The following JAG2 variants were observed in gnomAD, a reference collection of about 807,000 sequenced individuals.
JAG2 encodes the protein jagged canonical Notch ligand 2, also known as protein jagged-2.
A neutral mutation model predicts 141.7 loss-of-function variants in JAG2; 46 were observed. That is an observed-to-expected ratio of 0.32 (90% CI 0.26 to 0.42). The LOEUF is 0.42. JAG2 is among the 10% of genes least tolerant of loss of function. The pLI is 1.00. For missense variants in JAG2, 1,500 were observed against 1,817.5 expected (o/e 0.83, Z 3.18); for synonymous variants, 862 against 763.5 (o/e 1.13, Z -2.13).
At position 105,154,138 on chromosome 14, in the gene JAG2, C is replaced by G. The variant is rs914668535; in HGVS notation, c.788+1424G>C. ...CCTGTGGAAGGGTCACCCACCTCCC[C>G]ACCTTGGCTCCCAACTCAGCTGGTT... On this transcript the variant is annotated intron_variant, in intron 5 of 25. Coordinates refer to ENST00000331782, the MANE Select transcript of JAG2 (RefSeq NM_002226.5). This position sits in a 1 kb window ranked among gnomAD's most constrained non-coding sequence, Gnocchi z 4.4. Among the ~76,000 whole-genome samples the G allele has an allele frequency of 2.0e-5, 3 of 152,192 alleles. No homozygotes were observed. Among genetic ancestry groups the G allele is most frequent in the Non-Finnish European group, 4.4e-5 (3 of 68,020 alleles).
chr14:105,167,991 G>GC lies in JAG2; in HGVS notation c.182dup (p.Cys62LeufsTer15). On this transcript the variant is annotated frameshift_variant, in exon 2 of 26. Transcript: ENST00000331782. LOFTEE classifies it high-confidence loss of function. The surrounding 1 kb of genome is among the most constrained non-coding windows in gnomAD (Gnocchi z 4.8). ...ACGTGTCGCACTCGTCGTGGCCGCA[G>GC]CCCCCCGCGCGCGTTGTCCGGCCGT... 1 of 1,601,814 alleles carries GC rather than the reference G, an allele frequency of 6.2e-7. No homozygotes were observed. Among genetic ancestry groups the GC allele is most frequent in the Non-Finnish European group, 8.5e-7 (1 of 1,177,492 alleles).
chr14:105,146,837 TGAG>T, intron 20 of JAG2, 113 bp from the exon 21 acceptor site: 2 of 866,962 alleles, frequency 2.3e-6, no homozygotes, highest in Non-Finnish European at 3.8e-6. Flanking sequence ...CCCAGGACAA[TGAG>T]GAGCAGCCCC....
chr14:105,166,651 G>A (rs939833491), intron 2 of JAG2, among the ~76,000 whole-genome samples: 5 of 152,226 alleles, frequency 3.3e-5, no homozygotes, highest in Non-Finnish European at 7.4e-5. Context: ...GGGCTGCAAA[G>A]GTACAGCACA....
intron 2 of JAG2, among the ~76,000 whole-genome samples, chr14:105,165,136 C>T (rs977711466): frequency 3.3e-5 from 5 of 151,818 alleles, no homozygotes; most frequent in East Asian, 1.9e-4. Context: ...CAGGCAGGCA[C>T]GACTTCCAGC....
At position 105,146,055 on chromosome 14, in the gene JAG2, G is replaced by A. The variant is rs1888213672; in HGVS notation, c.2710-82C>T. 2.6e-6 allele frequency: 4 copies of A among 1,541,646 alleles called. No homozygotes were observed. The Admixed American group carries it at 7.7e-5, about 30-fold the overall frequency. ...GCACACAGATGAGAACCCACAGGCA[G>A]GCACGGGCCCCATGCCAAGGAGGGA... On this transcript the variant is annotated intron_variant, in intron 22 of 25. Coordinates refer to ENST00000331782, the MANE Select transcript of JAG2 (RefSeq NM_002226.5).
In JAG2 at chr14:105,167,942, A is replaced by T; in HGVS notation, c.232T>A (p.Tyr78Asn). The T allele has an allele frequency of 6.2e-7, 1 of 1,601,344 alleles. No homozygotes were observed. Among genetic ancestry groups the T allele is most frequent in the Non-Finnish European group, 8.5e-7 (1 of 1,176,772 alleles). ...CCCGTGGGCGTCACCTTGGCCTGGTACTCCTTAAGGCACACGCGCACGTAC... is the reference window on the plus strand; with the variant it reads ...CCCGTGGGCGTCACCTTGGCCTGGTTCTCCTTAAGGCACACGCGCACGTAC... The part of the protein sequence containing the change: ...DTYVRVCLKE[Y>N]QAKVTPTGPC... Residue 78 changes from tyrosine (Y) to asparagine (N), a missense_variant, in exon 2 of 26, where the codon TAC becomes AAC. This residue lies in a region of JAG2 where 200 missense variants were observed against 174.3 expected (regional missense o/e 1.15). Coordinates refer to ENST00000331782, the MANE Select transcript of JAG2 (RefSeq NM_002226.5). The surrounding 1 kb of genome is among the most constrained non-coding windows in gnomAD (Gnocchi z 4.8).
Position 105,147,485 on chromosome 14 carries a change from C to T in JAG2, c.2393+15G>A. ...TCCCACCCACCCCTGCTGTGGCCCC[C>T]AGGGTGCCACTCACCAAGGCAGAGG... On this transcript the variant is annotated intron_variant, in intron 19 of 25. Transcript: ENST00000331782. 1 of 1,611,568 alleles carries T rather than the reference C, an allele frequency of 6.2e-7. No individual in the cohort carries two copies. Among genetic ancestry groups the T allele is most frequent in the African/African-American group, 1.3e-5 (1 of 74,992 alleles).
rs587763712 is a variant in JAG2 at position 105,150,976 on chromosome 14, AC to A, written c.1381+14del. 6 of 1,608,204 alleles carry A rather than the reference AC, an allele frequency of 3.7e-6. No homozygotes were observed. The African/African-American group carries it at 5.4e-5, about 14-fold the overall frequency. On this transcript the variant is annotated intron_variant, in intron 10 of 25. Transcript: ENST00000331782. ...TGCCTCGGCCCACCCGCCGGCGCCC[AC>A]CCCCCATACTGACTGATATGGCAGT...
At chr14:105,160,458 T>C (rs1320820996) in intron 2 of JAG2, among the ~76,000 whole-genome samples, 1 of 151,240 alleles carries the variant, frequency 6.6e-6, no homozygotes, top group East Asian at 2.0e-4. Flanking sequence ...CGTTCCTTCC[T>C]TCCTTCGTTC....
intron 2 of JAG2, among the ~76,000 whole-genome samples, chr14:105,166,128 G>A (rs1415069952): frequency 6.6e-6 from 1 of 152,252 alleles, no homozygotes; most frequent in Non-Finnish European, 1.5e-5. Context: ...GGAAGCAAGA[G>A]GCAGGGAGGT....
Position 105,143,630 on chromosome 14 carries a change from G to C in JAG2, c.3093C>G (p.Ser1031Arg). The C allele has an allele frequency of 6.2e-7, 1 of 1,607,454 alleles. No individual in the cohort carries two copies. The highest frequency in any genetic ancestry group is 8.5e-7 in the Non-Finnish European group (1 of 1,179,728). ...TGCTGTCAGGCAGGTCCCTGGCAGGGCTGAAGGACTGCGGCAAAGAACGGC... is the reference window on the plus strand; with the variant it reads ...TGCTGTCAGGCAGGTCCCTGGCAGGCCTGAAGGACTGCGGCAAAGAACGGC... ...ASAVEVAVSF[S>R]PARDLPDSSL... Residue 1031 changes from serine to arginine, a missense_variant, in exon 25 of 26, where the codon AGC becomes AGG. Physicochemically the swap from Ser to Arg is moderately radical, Grantham distance 110. Coordinates refer to ENST00000331782, the MANE Select transcript of JAG2 (RefSeq NM_002226.5).
At position 105,148,994 on chromosome 14, in the gene JAG2, C is replaced by T; in HGVS notation, c.1849G>A (p.Gly617Arg). The T allele has an allele frequency of 6.2e-7, 1 of 1,607,318 alleles. No homozygotes were observed. Among genetic ancestry groups the T allele is most frequent in the Non-Finnish European group, 8.5e-7 (1 of 1,177,644 alleles). ...GPHGRCVSQP[G>R]GNFSCICDSG... ...TCACAGATGCAGGAAAAGTTGCCCC[C>T]TGGCTGGCTGACGCAGCGTCCATGG... Residue 617 changes from glycine (G) to arginine (R), a missense_variant, in exon 14 of 26, where the codon GGG becomes AGG. By Grantham distance (125) the Gly-to-Arg change is moderately radical. This residue lies in a region of JAG2 where 875 missense variants were observed against 1,202.2 expected (regional missense o/e 0.73). Coordinates refer to ENST00000331782, the MANE Select transcript of JAG2 (RefSeq NM_002226.5).
At position 105,154,496 on chromosome 14, in the gene JAG2, G is replaced by T. The variant is rs1888523837; in HGVS notation, c.788+1066C>A. ...GCTCCACTCTAGGGCAAAGCTGCCA[G>T]CCCCCCTGGCTGGATCCCCCACACT... is the stretch of plus-strand genomic sequence containing the variant. On this transcript the variant is annotated intron_variant, in intron 5 of 25. Coordinates refer to ENST00000331782, the MANE Select transcript of JAG2 (RefSeq NM_002226.5). This position sits in a 1 kb window ranked among gnomAD's most constrained non-coding sequence, Gnocchi z 4.4. 6.6e-6 allele frequency among the ~76,000 whole-genome samples: 1 copy of T among 152,130 alleles called. No individual in the cohort carries two copies. The highest frequency in any genetic ancestry group is 1.5e-5 in the Non-Finnish European group (1 of 68,006).
At chr14:105,145,165 G>A (rs982343526) in intron 23 of JAG2, 104 bp from the exon 24 acceptor site, 20 of 1,468,490 alleles carry the variant, frequency 1.4e-5, no homozygotes, top group East Asian at 1.2e-4. Flanking sequence ...CCTACAGCCC[G>A]CCCAGGAGAG....
rs117280602 is a variant in JAG2, at chr14:105,142,394, C to T, written c.*301G>A. The T allele has an allele frequency of 2.9e-5, 11 of 373,578 alleles. No individual in the cohort carries two copies. The highest frequency in any genetic ancestry group is 4.4e-5 in the Non-Finnish European group (9 of 204,588). The allele number at this position is 373,578 out of a possible 1,614,324, so 23.1% of individuals were successfully genotyped here. ...ACAGTGCACAACCTCTGGTAACAAA[C>T]GCTACGATTTGGTGACGACGCAGAC... On this transcript the variant is annotated 3_prime_UTR_variant, in exon 26 of 26. Transcript: ENST00000331782.
chr14:105,167,207 T>C lies in JAG2; in HGVS notation c.417+550A>G, dbSNP rs4983589. Among the ~76,000 whole-genome samples the C allele has an allele frequency of 0.69, 104,790 of 152,178 alleles. 36,631 individuals carry two copies. Among genetic ancestry groups the C allele is most frequent in the African/African-American group, 0.81 (33,741 of 41,550 alleles). ...ACTGCACCAGGATCCACTATCTCTG[T>C]CTCTGAACGATCTTGGGTCACCATC... On this transcript the variant is annotated intron_variant, in intron 2 of 25. Transcript: ENST00000331782. This position sits in a 1 kb window ranked among gnomAD's most constrained non-coding sequence, Gnocchi z 4.8.
rs1392028875 is a variant in JAG2, at chr14:105,145,844, C to T, written c.2839G>A (p.Gly947Arg). Reference sequence around the variant, plus strand: ...GGTGGCTCTTCTGCGCCGCACTCCCCCCAGGCCTCACAGGGTGGTCGCAGA... The same window carrying T: ...GGTGGCTCTTCTGCGCCGCACTCCCTCCAGGCCTCACAGGGTGGTCGCAGA... ...QCLRPPCEAWGECGAEEPPST... is the reference protein window; with the variant it reads ...QCLRPPCEAWRECGAEEPPST... The change falls in exon 23 of 26, where the codon GGG (glycine) becomes AGG (arginine). Residue 947 changes from glycine to arginine, a missense_variant. Around this residue, in one of 3 missense-constraint regions of JAG2, gnomAD observed 425 missense variants for 441.0 expected, o/e 0.96. Coordinates refer to ENST00000331782, the MANE Select transcript of JAG2 (RefSeq NM_002226.5). 2 of 1,562,196 alleles carry T rather than the reference C, an allele frequency of 1.3e-6. No individual in the cohort carries two copies. The highest frequency in any genetic ancestry group is 1.4e-5 in the African/African-American group (1 of 73,442).
At position 105,154,877 on chromosome 14, in the gene JAG2, C is replaced by G. The variant is rs926914373; in HGVS notation, c.788+685G>C. On this transcript the variant is annotated intron_variant, in intron 5 of 25. Coordinates refer to ENST00000331782, the MANE Select transcript of JAG2 (RefSeq NM_002226.5). This position sits in a 1 kb window ranked among gnomAD's most constrained non-coding sequence, Gnocchi z 4.4. ...CTCAGCAGCTTGGGGTTCTCCCTGACTCCACACCCTTCCTGCTTGATCAAA... is the reference window on the plus strand; with the variant it reads ...CTCAGCAGCTTGGGGTTCTCCCTGAGTCCACACCCTTCCTGCTTGATCAAA... Among the ~76,000 whole-genome samples the G allele has an allele frequency of 6.6e-6, 1 of 151,998 alleles. No individual in the cohort carries two copies. Among genetic ancestry groups the G allele is most frequent in the Admixed American group, 6.5e-5 (1 of 15,276 alleles).
chr14:105,144,127 G>A (rs994536143), intron 24 of JAG2, among the ~76,000 whole-genome samples: 1 of 152,040 alleles, frequency 6.6e-6, no homozygotes, highest in Non-Finnish European at 1.5e-5. Flanking sequence ...GCTGACACCT[G>A]CTCCGTGATG....
Sources: allele counts gnomAD v4.1 joint callset (sites outside exome capture counted in the v4.1 genomes callset), GRCh38; gene constraint gnomAD v4.1.1; regional missense constraint gnomAD v4.1.1; non-coding constraint Gnocchi (gnomAD v3.1); transcripts MANE v1.5; gene names NCBI Gene and HGNC (gene_info 2026-07-23, HGNC 2026-07-21).